CFAP54: variants seen among roughly 807,000 people sequenced by gnomAD.
CFAP54 encodes cilia- and flagella-associated protein 54.
A neutral mutation model predicts 370.4 loss-of-function variants in CFAP54; 290 were observed. The observed-to-expected ratio is 0.78, with a 90% CI of 0.71 to 0.86. The LOEUF is 0.86. Among genes scored for constraint, CFAP54 ranks in the 40% least tolerant of loss-of-function variants. The pLI, the probability that CFAP54 is intolerant of heterozygous loss-of-function variation, is 0.00. For synonymous variants in CFAP54, 1,206 were observed against 1,236.5 expected (o/e 0.98, Z 0.52); for missense variants, 3,399 against 3,528.7 (o/e 0.96, Z 0.93).
At chr12:96,811,600 T>C (rs1182395124) in intron 63 of CFAP54, 136 bp from the exon 64 acceptor site, 4 of 512,600 alleles carry the variant, frequency 7.8e-6, no homozygotes, top group Non-Finnish European at 1.3e-5. Flanking sequence ...TCAGGTGAAT[T>C]GAAAACCCAA....
chr12:96,806,176 AT>A lies in CFAP54; in HGVS notation c.8851-5559del, dbSNP rs1565984836. Among the ~76,000 whole-genome samples, 289 of 57,484 alleles carry A rather than the reference AT, an allele frequency of 5.0e-3. 17 individuals carry two copies. The highest frequency in any genetic ancestry group is 8.2e-3 in the Admixed American group (56 of 6,798). The allele number at this position is 57,484 out of a possible 152,430, so 37.7% of individuals were successfully genotyped here. On this transcript the variant is annotated intron_variant, in intron 63 of 67. Coordinates refer to ENST00000524981, the MANE Select transcript of CFAP54 (RefSeq NM_001306084.2). Reference sequence around the variant, plus strand: ...ACTAGCCAAATATATATATATATATATATATATATATATATATATATATATA... The same window carrying A: ...ACTAGCCAAATATATATATATATATAATATATATATATATATATATATATA...
chr12:96,868,156 C>T (rs1057231163), intron 67 of CFAP54, among the ~76,000 whole-genome samples: 6 of 152,182 alleles, frequency 3.9e-5, no homozygotes, highest in African/African-American at 1.4e-4. Context: ...CTCCATGTAA[C>T]ACATAGGTGC....
rs12231206 is a variant in CFAP54 at position 96,621,680 on chromosome 12, C to T, written c.3730C>T (p.Leu1244=). 1 of 1,528,688 alleles carries T rather than the reference C, an allele frequency of 6.5e-7. No homozygotes were observed. The highest frequency in any genetic ancestry group is 8.8e-7 in the Non-Finnish European group (1 of 1,142,712). The allele number at this position is 1,528,688 out of a possible 1,614,324, so 94.7% of individuals were successfully genotyped here. ...GGACATCACACCAGGATGCAAGTCT[C>T]TGTTTGATGGTAGTAATGAACAAGA... ...MLDITPGCKS[L]FDGSNEQEEM... is the part of the protein sequence containing the mutation. The change falls in exon 27 of 68, where the codon CTG becomes TTG. Residue 1244 remains leucine, a synonymous_variant. Transcript: ENST00000524981.
chr12:96,599,166 A>AC (rs1956213118), intron 26 of CFAP54, among the ~76,000 whole-genome samples: 6 of 42,890 alleles, frequency 1.4e-4, no homozygotes, highest in African/African-American at 2.8e-4. Flanking sequence ...CCAGCCCCCC[A>AC]CCCCCCAATA....
intron 1 of CFAP54, 108 bp from the exon 2 acceptor site, chr12:96,500,726 C>T: frequency 3.2e-6 from 2 of 618,094 alleles, no homozygotes; most frequent in East Asian, 2.9e-5. Flanking sequence ...AACAATAAGG[C>T]ACATTGGAAA....
intron 60 of CFAP54, among the ~76,000 whole-genome samples, chr12:96,780,658 A>C (rs1404968015): frequency 6.6e-6 from 1 of 152,188 alleles, no homozygotes; most frequent in Non-Finnish European, 1.5e-5. Flanking sequence ...CAAGTTGAAA[A>C]GGCCTATTGT....
At chr12:96,664,777 C>G (rs12313695) in intron 39 of CFAP54, among the ~76,000 whole-genome samples, 4 of 14,984 alleles carry the variant, frequency 2.7e-4, no homozygotes, top group African/African-American at 1.1e-3. Context: ...ATATCTATAT[C>G]TATATATATA....
intron 32 of CFAP54, among the ~76,000 whole-genome samples, chr12:96,643,317 T>G (rs1592902761): frequency 1.3e-5 from 2 of 152,162 alleles, no homozygotes; most frequent in East Asian, 1.9e-4. Flanking sequence ...CCTCCTTCCT[T>G]TCTTCAAATG....
chr12:96,741,957 T>C (rs899621767), intron 51 of CFAP54, among the ~76,000 whole-genome samples: 9 of 152,188 alleles, frequency 5.9e-5, no homozygotes, highest in Non-Finnish European at 1.5e-5. Flanking sequence ...CTCCCAACTG[T>C]AAAATGGAAA....
intron 32 of CFAP54, among the ~76,000 whole-genome samples, chr12:96,639,715 A>C (rs1041031417): frequency 2.0e-5 from 3 of 152,194 alleles, no homozygotes; most frequent in Non-Finnish European, 4.4e-5. Context: ...GCAGCACATC[A>C]AAAAGCTTAT....
chr12:96,727,136 A>G lies in CFAP54; in HGVS notation c.6965+6571A>G, dbSNP rs1490133979. Among the ~76,000 whole-genome samples, 7 of 152,032 alleles carry G rather than the reference A, an allele frequency of 4.6e-5. No individual in the cohort carries two copies. In the East Asian group the frequency reaches 1.4e-3, roughly 30 times the overall value. On this transcript the variant is annotated intron_variant, in intron 50 of 67. Coordinates refer to ENST00000524981, the MANE Select transcript of CFAP54 (RefSeq NM_001306084.2). Reference sequence around the variant, plus strand: ...TGGAATAGGTGTGGTGTGGTGCTGAAAAAAATGTATATTCTGTTGATTTGG... The same window carrying G: ...TGGAATAGGTGTGGTGTGGTGCTGAGAAAAATGTATATTCTGTTGATTTGG...
chr12:96,554,899 TA>T, intron 17 of CFAP54, 97 bp downstream of exon 17: 1 of 1,197,342 alleles, frequency 8.4e-7, no homozygotes, highest in South Asian at 2.8e-5. Context: ...CTTGTTGACT[TA>T]AGTTTTCAGA....
chr12:96,773,845 C>T (rs763593657), intron 60 of CFAP54, among the ~76,000 whole-genome samples: 20 of 152,080 alleles, frequency 1.3e-4, no homozygotes, highest in Non-Finnish European at 2.2e-4. Context: ...TGTACATAGG[C>T]TAGTATATCT....
chr12:96,588,750 T>G (rs1347654815), intron 22 of CFAP54, among the ~76,000 whole-genome samples: 1 of 152,248 alleles, frequency 6.6e-6, no homozygotes, highest in African/African-American at 2.4e-5. Flanking sequence ...TTTACATATT[T>G]AATGGAGTGC....
intron 66 of CFAP54, among the ~76,000 whole-genome samples, chr12:96,829,516 A>G (rs1959163601): frequency 6.6e-6 from 1 of 152,010 alleles, no homozygotes; most frequent in Admixed American, 6.6e-5. Flanking sequence ...TGTCATATTT[A>G]ATGCCTGCAT....
At chr12:96,547,494 A>AT (rs1344282898) in intron 14 of CFAP54, among the ~76,000 whole-genome samples, 2 of 152,098 alleles carry the variant, frequency 1.3e-5, no homozygotes, top group Non-Finnish European at 2.9e-5. Context: ...CCTCTGAAAG[A>AT]TTTTAAATGG....
At chr12:96,530,657 T>A (rs1020168501) in intron 9 of CFAP54, among the ~76,000 whole-genome samples, 1 of 152,218 alleles carries the variant, frequency 6.6e-6, no homozygotes, top group Non-Finnish European at 1.5e-5. Context: ...AGTTTTTGTG[T>A]GAAGGTAAGT....
At chr12:96,541,717 A>T (rs920721705) in intron 14 of CFAP54, among the ~76,000 whole-genome samples, 1 of 152,204 alleles carries the variant, frequency 6.6e-6, no homozygotes, top group African/African-American at 2.4e-5. Flanking sequence ...GACACAGCGC[A>T]GGAGATCAAG....
intron 11 of CFAP54, among the ~76,000 whole-genome samples, chr12:96,534,660 A>G (rs988214364): frequency 1.3e-5 from 2 of 152,146 alleles, no homozygotes; most frequent in African/African-American, 4.8e-5. Context: ...AGGACTTTTC[A>G]AATCCTAAAA....
Sources: allele counts gnomAD v4.1 joint callset (sites outside exome capture counted in the v4.1 genomes callset), GRCh38; gene constraint gnomAD v4.1.1; transcripts MANE v1.5; gene names NCBI Gene and HGNC (gene_info 2026-07-23, HGNC 2026-07-21).